The following MEGF11 variants were observed in gnomAD, a reference collection of about 807,000 sequenced individuals.
MEGF11 encodes multiple epidermal growth factor-like domains protein 11.
Under a neutral mutation model 146.6 loss-of-function variants are expected in MEGF11, and 126 were observed. That is an observed-to-expected ratio of 0.86 (90% CI 0.74 to 1.00). MEGF11 has a LOEUF of 1.00. Among genes scored for constraint, MEGF11 ranks in the 50% least tolerant of loss-of-function variants. The pLI, the probability that MEGF11 is intolerant of heterozygous loss-of-function variation, is 0.00. For missense variants in MEGF11, 1,509 were observed against 1,521.2 expected, an observed-to-expected ratio of 0.99 and a Z score of 0.13; for synonymous variants, 532 against 583.4, an observed-to-expected ratio of 0.91 and a Z score of 1.27.
Position 65,906,104 on chromosome 15 carries a change from A to G in MEGF11, c.3036T>C (p.Ile1012=). ...CGMDRRQNTY[I]MDKGFKDYMK... is the part of the protein sequence containing the mutation. ...CTCTACCTTTGAAGCCTTTGTCCAT[A>G]ATGTATGTGTTCTGACGTCTATCCA... The change falls in exon 24 of 26, where the codon ATT becomes ATC. Residue 1012 remains isoleucine, a synonymous_variant. Coordinates refer to ENST00000395614, the MANE Select transcript of MEGF11 (RefSeq NM_001385028.1). 6.2e-7 allele frequency: 1 copy of G among 1,611,292 alleles called. No individual in the cohort carries two copies. Among genetic ancestry groups the G allele is most frequent in the African/African-American group, 1.3e-5 (1 of 75,012 alleles).
rs78806323 is a variant in MEGF11, at chr15:66,144,419, C to G, written c.-8-16008G>C. 4.7e-3 allele frequency among the ~76,000 whole-genome samples: 722 copies of G among 152,260 alleles called. 5 individuals are homozygous for G. Among genetic ancestry groups the G allele is most frequent in the African/African-American group, 0.017 (686 of 41,554 alleles). On this transcript the variant is annotated intron_variant, in intron 1 of 25. Coordinates refer to ENST00000395614, the MANE Select transcript of MEGF11 (RefSeq NM_001385028.1). ...CTTCCCACCCCACAGCACAGGTACC[C>G]AGCATGGGTACCCCCTTCCTGCCAA... is the stretch of plus-strand genomic sequence containing the variant.
chr15:66,183,253 A>G (rs1358033678), intron 1 of MEGF11, among the ~76,000 whole-genome samples: 1 of 152,144 alleles, frequency 6.6e-6, no homozygotes, highest in Non-Finnish European at 1.5e-5. Context: ...TAATCCCAGC[A>G]CTTTGGGAGG....
intron 1 of MEGF11, among the ~76,000 whole-genome samples, chr15:66,200,184 G>C (rs1313805737): frequency 6.6e-6 from 1 of 152,344 alleles, no homozygotes; most frequent in East Asian, 1.9e-4. Flanking sequence ...CTCCAGTGAG[G>C]CTCCTTATGT....
intron 23 of MEGF11, 138 bp from the exon 24 acceptor site, chr15:65,906,279 A>G: frequency 1.6e-6 from 1 of 630,368 alleles, no homozygotes; most frequent in African/African-American, 1.8e-5. Context: ...TTGCTAGAAA[A>G]TGATTCTGGG....
intron 5 of MEGF11, among the ~76,000 whole-genome samples, chr15:66,018,723 G>T (rs1448231201): frequency 6.6e-6 from 1 of 152,222 alleles, no homozygotes; most frequent in African/African-American, 2.4e-5. Context: ...GAGTGTGTGT[G>T]GGGTTGTGGA....
rs1567154791 is a variant in MEGF11 at position 65,916,262 on chromosome 15, A to G, written c.2230T>C (p.Phe744Leu). Residue 744 changes from phenylalanine (F) to leucine (L), a missense_variant, in exon 18 of 26, where the codon TTT (phenylalanine) becomes CTT (leucine). Phe to Leu is a conservative substitution (Grantham distance 22, BLOSUM62 0). Transcript: ENST00000395614. ...LFCTQRCPAA[F>L]FGKDCGRVCQ... is the part of the protein sequence containing the mutation. Reference sequence around the variant, plus strand: ...ACGCGCCCACAGTCCTTCCCAAAAAATGCTGCTGGGCAGCCTAGAGAAACA... The same window carrying G: ...ACGCGCCCACAGTCCTTCCCAAAAAGTGCTGCTGGGCAGCCTAGAGAAACA... The G allele has an allele frequency of 1.9e-6, 3 of 1,556,292 alleles. No individual in the cohort carries two copies. The highest frequency in any genetic ancestry group is 2.6e-6 in the Non-Finnish European group (3 of 1,149,784).
At chr15:65,973,046 G>T (rs2081343824) in intron 7 of MEGF11, among the ~76,000 whole-genome samples, 1 of 151,838 alleles carries the variant, frequency 6.6e-6, no homozygotes, top group South Asian at 2.1e-4. Flanking sequence ...GAACCTGGGA[G>T]GTGGAGGTTG....
chr15:66,136,258 G>A (rs2088881903), intron 1 of MEGF11, among the ~76,000 whole-genome samples: 1 of 152,228 alleles, frequency 6.6e-6, no homozygotes, highest in Non-Finnish European at 1.5e-5. Context: ...GATCAGTATT[G>A]CTGTCGTGGT....
At chr15:65,955,162 T>C (rs1266759683) in intron 10 of MEGF11, among the ~76,000 whole-genome samples, 5 of 152,156 alleles carry the variant, frequency 3.3e-5, no homozygotes, top group African/African-American at 9.7e-5. Flanking sequence ...AGCAGTGTGG[T>C]GCAGTCACCT....
At chr15:65,955,651 C>T (rs1219617091) in intron 10 of MEGF11, among the ~76,000 whole-genome samples, 6 of 137,500 alleles carry the variant, frequency 4.4e-5, no homozygotes, top group Non-Finnish European at 6.1e-5. Flanking sequence ...GGCTGAGGCA[C>T]GAGAATTGCT....
Sources: allele counts gnomAD v4.1 joint callset (sites outside exome capture counted in the v4.1 genomes callset), GRCh38; gene constraint gnomAD v4.1.1; transcripts MANE v1.5; gene names NCBI Gene and HGNC (gene_info 2026-07-23, HGNC 2026-07-21).